The following XPR1 variants were observed in gnomAD, a reference collection of about 807,000 sequenced individuals.
XPR1 encodes solute carrier family 53 member 1.
In XPR1, 28 loss-of-function variants were observed where a neutral mutation model predicts 87.5. That is an observed-to-expected ratio of 0.32 (90% CI 0.24 to 0.44). XPR1 has a LOEUF of 0.44. XPR1 is among the 20% of genes least tolerant of loss of function. The probability of loss-of-function intolerance (pLI) is 1.00; values close to 1 mark genes in which losing one functional copy is unlikely to be tolerated. For synonymous variants in XPR1, 300 were observed against 306.1 expected (o/e 0.98, Z 0.21); for missense variants, 559 against 862.3 (o/e 0.65, Z 4.41).
intron 2 of XPR1, among the ~76,000 whole-genome samples, chr1:180,685,439 A>G (rs1656731518): frequency 6.6e-6 from 1 of 152,150 alleles, no homozygotes; most frequent in Non-Finnish European, 1.5e-5. Context: ...ATATTGGTCT[A>G]AAATTCTCTT....
chr1:180,753,559 A>C (rs73036508), intron 2 of XPR1, among the ~76,000 whole-genome samples: 4,776 of 152,148 alleles, frequency 0.031, 176 homozygotes, highest in African/African-American at 0.086. Context: ...GTCTTTAAAA[A>C]AAAAAAAAAA....
At position 180,866,811 on chromosome 1, in the gene XPR1, ATT is replaced by A. The variant is rs71121055; in HGVS notation, c.1668+2949_1668+2950del. On this transcript the variant is annotated intron_variant, in intron 12 of 14. Coordinates refer to ENST00000367590, the MANE Select transcript of XPR1 (RefSeq NM_004736.4). Reference sequence around the variant, plus strand: ...CATATTAGTTTATTTTTTTTTTTTAATTTTTTTTTTTTTATTATACTCTAAGT... The same window carrying A: ...CATATTAGTTTATTTTTTTTTTTTAATTTTTTTTTTTATTATACTCTAAGT... 6.3e-3 allele frequency among the ~76,000 whole-genome samples: 894 copies of A among 141,086 alleles called. 13 individuals are homozygous for A. The highest frequency in any genetic ancestry group is 0.021 in the African/African-American group (791 of 37,524). 92.6% of individuals were successfully genotyped at this position (141,086 alleles called of 152,430 possible). A position where few individuals can be genotyped will look rare whatever the true frequency, so the allele number is the denominator to read the frequency against.
intron 2 of XPR1, among the ~76,000 whole-genome samples, chr1:180,774,526 G>A (rs1014721254): frequency 4.6e-5 from 7 of 151,694 alleles, no homozygotes; most frequent in Admixed American, 1.3e-4. Flanking sequence ...TAGTAGCTGG[G>A]ACTACAGGCA....
chr1:180,718,082 AT>A (rs979035242), intron 2 of XPR1, among the ~76,000 whole-genome samples: 4 of 152,156 alleles, frequency 2.6e-5, no homozygotes, highest in African/African-American at 9.7e-5. Flanking sequence ...AAAAACATTA[AT>A]GCTATGTATT....
At chr1:180,648,677 T>G (rs1041101932) in intron 1 of XPR1, among the ~76,000 whole-genome samples, 2 of 152,174 alleles carry the variant, frequency 1.3e-5, no homozygotes, top group Admixed American at 1.3e-4. Flanking sequence ...CAGCTCATGT[T>G]TTGTATTTTC....
At chr1:180,742,143 T>G (rs1237216124) in intron 2 of XPR1, among the ~76,000 whole-genome samples, 1 of 152,124 alleles carries the variant, frequency 6.6e-6, no homozygotes, top group Admixed American at 6.5e-5. Context: ...GTTTTTTTGG[T>G]TTGTTTTCAA....
chr1:180,747,535 C>T (rs1463184323), intron 2 of XPR1, among the ~76,000 whole-genome samples: 1 of 152,096 alleles, frequency 6.6e-6, no homozygotes, highest in Non-Finnish European at 1.5e-5. Flanking sequence ...TTTACTATTT[C>T]CCACCTAATG....
At chr1:180,802,621 A>AT (rs1558015263) in intron 3 of XPR1, among the ~76,000 whole-genome samples, 15 of 152,192 alleles carry the variant, frequency 9.9e-5, no homozygotes, top group Admixed American at 8.5e-4. Context: ...CATCACTACC[A>AT]ATTCTGGAAC....
intron 2 of XPR1, among the ~76,000 whole-genome samples, chr1:180,683,653 T>C (rs1169905191): frequency 2.6e-5 from 4 of 152,114 alleles, no homozygotes; most frequent in South Asian, 2.1e-4. Context: ...TTAATGATCA[T>C]CATTCTAACT....
At chr1:180,713,508 C>T (rs910199782) in intron 2 of XPR1, among the ~76,000 whole-genome samples, 4 of 152,140 alleles carry the variant, frequency 2.6e-5, no homozygotes, top group African/African-American at 9.7e-5. Context: ...TTACGCTGGG[C>T]TGAATCTCTA....
chr1:180,655,491 C>G (rs1655426024), intron 1 of XPR1, among the ~76,000 whole-genome samples: 1 of 151,142 alleles, frequency 6.6e-6, no homozygotes, highest in Non-Finnish European at 1.5e-5. Context: ...ACCTCTGCCT[C>G]CTGGACTCAG....
intron 2 of XPR1, among the ~76,000 whole-genome samples, chr1:180,758,384 T>C (rs1647846209): frequency 6.6e-6 from 1 of 152,002 alleles, no homozygotes; most frequent in Non-Finnish European, 1.5e-5. Flanking sequence ...AATATAAAAG[T>C]ATTTATTACC....
At chr1:180,707,642 C>G (rs1657602891) in intron 2 of XPR1, among the ~76,000 whole-genome samples, 2 of 152,108 alleles carry the variant, frequency 1.3e-5, no homozygotes, top group East Asian at 3.8e-4. Flanking sequence ...ATTGTGCTTC[C>G]TGATTTTAGT....
intron 2 of XPR1, among the ~76,000 whole-genome samples, chr1:180,774,766 C>G (rs1257663801): frequency 6.6e-6 from 1 of 152,080 alleles, no homozygotes; most frequent in African/African-American, 2.4e-5. Context: ...TGTGTTTTCT[C>G]TTTAGCTATA....
At chr1:180,639,468 C>T (rs1016142779) in intron 1 of XPR1, among the ~76,000 whole-genome samples, 10 of 152,066 alleles carry the variant, frequency 6.6e-5, no homozygotes, top group Non-Finnish European at 1.5e-4. Flanking sequence ...ATTAGAAAGA[C>T]CTTGGACCAG....
chr1:180,864,303 C>G (rs1558043831), intron 12 of XPR1, among the ~76,000 whole-genome samples: 1 of 152,120 alleles, frequency 6.6e-6, no homozygotes, highest in African/African-American at 2.4e-5. Flanking sequence ...CTCCAAGAAG[C>G]CTTTCTTTAT....
chr1:180,661,736 A>G (rs1055288958), intron 1 of XPR1, among the ~76,000 whole-genome samples: 1 of 152,098 alleles, frequency 6.6e-6, no homozygotes, highest in Non-Finnish European at 1.5e-5. Context: ...TTAGCTGGGC[A>G]TGGTGGCACG....
At chr1:180,847,062 T>A (rs1651711008) in intron 11 of XPR1, among the ~76,000 whole-genome samples, 1 of 152,188 alleles carries the variant, frequency 6.6e-6, no homozygotes, top group African/African-American at 2.4e-5. Flanking sequence ...TGTAACTATT[T>A]TATCCTTACC....
chr1:180,751,175 AAT>A (rs1647521929), intron 2 of XPR1, among the ~76,000 whole-genome samples: 1 of 152,048 alleles, frequency 6.6e-6, no homozygotes, highest in Admixed American at 6.5e-5. Context: ...TTTTTTACAT[AAT>A]ATGTTATATT....
Sources: gnomAD v4.1 joint callset for allele counts (sites outside exome capture counted in the v4.1 genomes callset) on GRCh38, gnomAD v4.1.1 for gene constraint, MANE v1.5 for transcripts, NCBI Gene and HGNC (gene_info 2026-07-23, HGNC 2026-07-21) for gene names.